Variants in VPS37C observed in about 807,000 individuals in gnomAD.
VPS37C encodes the protein VPS37C subunit of ESCRT-I.
VPS37C carries 9 observed loss-of-function variants against 16.1 expected under a neutral mutation model. The observed-to-expected ratio is 0.56, with a 90% CI of 0.34 to 0.97. The LOEUF (loss-of-function observed/expected upper bound fraction) is 0.97. VPS37C is among the 50% of genes least tolerant of loss of function. VPS37C has a pLI of 0.02. For missense variants in VPS37C, 479 were observed against 472.7 expected (o/e 1.01, Z -0.12); for synonymous variants, 207 against 206.4 (o/e 1.00, Z -0.02).
chr11:61,135,844 G>C (rs929457008), intron 2 of VPS37C, among the ~76,000 whole-genome samples: 1 of 152,166 alleles, frequency 6.6e-6, no homozygotes, highest in Non-Finnish European at 1.5e-5. Context: ...CTCCCTATAG[G>C]TCCACTGCCT....
At chr11:61,155,355 C>T (rs544719608) in intron 1 of VPS37C, among the ~76,000 whole-genome samples, 38 of 151,472 alleles carry the variant, frequency 2.5e-4, no homozygotes, top group Non-Finnish European at 4.4e-4. Flanking sequence ...AACAACTACC[C>T]AGGCATGGTG....
At position 61,134,199 on chromosome 11, in the gene VPS37C, G is replaced by A. The variant is rs1565191473; in HGVS notation, c.102C>T (p.Asp34=). 1.2e-6 allele frequency: 2 copies of A among 1,611,580 alleles called. No individual in the cohort carries two copies. The highest frequency in any genetic ancestry group is 2.7e-5 in the African/African-American group (2 of 74,980). Residue 34 remains aspartate (D), a synonymous_variant, in exon 3 of 5, where the codon GAC becomes GAT. Transcript: ENST00000301765. ...QLALESPEVQ[D]LQLEREMALA... ...GTGCCATCTCCCGTTCCAGCTGTAGGTCCTGGACCTAAAAGGGCAGGACAA... is the reference window on the plus strand; with the variant it reads ...GTGCCATCTCCCGTTCCAGCTGTAGATCCTGGACCTAAAAGGGCAGGACAA...
At position 61,138,604 on chromosome 11, in the gene VPS37C, A is replaced by G. The variant is rs1861421416; in HGVS notation, c.93+133T>C. The G allele has an allele frequency of 6.3e-6, 5 of 794,134 alleles. No individual in the cohort carries two copies. The South Asian group carries it at 8.2e-5, about 13-fold the overall frequency. 49.2% of individuals were successfully genotyped at this position (794,134 alleles called of 1,614,324 possible). ...AGCCTCAGGGATTCCTCTGAGTCCA[A>G]ACCAGGATGAAGTTCACAGAAAAGG... is the stretch of plus-strand genomic sequence containing the variant. On this transcript the variant is annotated intron_variant, in intron 2 of 4. Coordinates refer to ENST00000301765, the MANE Select transcript of VPS37C (RefSeq NM_017966.5).
chr11:61,153,267 T>C (rs928137852), intron 1 of VPS37C, among the ~76,000 whole-genome samples: 2 of 152,180 alleles, frequency 1.3e-5, no homozygotes, highest in Non-Finnish European at 2.9e-5. Context: ...CTATGATGGT[T>C]TTATAAGTGT....
At chr11:61,151,160 T>C (rs1853292887) in intron 1 of VPS37C, among the ~76,000 whole-genome samples, 1 of 152,210 alleles carries the variant, frequency 6.6e-6, no homozygotes. Context: ...CAAGTCTATC[T>C]ACATCCACAG....
intron 1 of VPS37C, among the ~76,000 whole-genome samples, chr11:61,154,312 A>G (rs540859777): frequency 6.6e-6 from 1 of 152,370 alleles, no homozygotes; most frequent in East Asian, 1.9e-4. Flanking sequence ...AACAGTTCCT[A>G]AAACTATATT....
At chr11:61,153,705 A>T (rs1336995987) in intron 1 of VPS37C, among the ~76,000 whole-genome samples, 1 of 152,146 alleles carries the variant, frequency 6.6e-6, no homozygotes, top group Non-Finnish European at 1.5e-5. Context: ...TCCTAGAGGG[A>T]CTCCGGGCCC....
intron 2 of VPS37C, among the ~76,000 whole-genome samples, chr11:61,135,996 TAGA>T (rs1369967314): frequency 6.6e-6 from 1 of 152,214 alleles, no homozygotes; most frequent in Non-Finnish European, 1.5e-5. Context: ...TATAGGTAGA[TAGA>T]AGAAGTAAGT....
chr11:61,155,208 G>T (rs1317484142), intron 1 of VPS37C, among the ~76,000 whole-genome samples: 1 of 152,086 alleles, frequency 6.6e-6, no homozygotes. Context: ...AACAGACCAG[G>T]TGTGGTGGCT....
intron 1 of VPS37C, among the ~76,000 whole-genome samples, chr11:61,148,998 G>A (rs1853257562): frequency 6.6e-6 from 1 of 152,246 alleles, no homozygotes; most frequent in Admixed American, 6.5e-5. Flanking sequence ...TACGTGAAGA[G>A]GGGCCAGGCG....
intron 1 of VPS37C, among the ~76,000 whole-genome samples, chr11:61,160,602 A>C (rs1381721030): frequency 6.6e-6 from 1 of 152,200 alleles, no homozygotes; most frequent in Non-Finnish European, 1.5e-5. Context: ...GTGAGCCCAG[A>C]CAAGGTGTAG....
At chr11:61,135,077 A>C (rs1356466242) in intron 2 of VPS37C, among the ~76,000 whole-genome samples, 1 of 152,240 alleles carries the variant, frequency 6.6e-6, no homozygotes, top group Non-Finnish European at 1.5e-5. Flanking sequence ...CACCCGCCAC[A>C]GGGCGCAGGG....
rs963280854 is a variant in VPS37C at position 61,130,747 on chromosome 11, G to C, written c.*1073C>G. On this transcript the variant is annotated 3_prime_UTR_variant, in exon 5 of 5. Transcript: ENST00000301765. ...CCACCCTTTACATTCTGAAGACAGG[G>C]AGGTGTGAAAAAATTGCCCCTAATG... 4.7e-6 allele frequency: 2 copies of C among 425,362 alleles called. No individual in the cohort carries two copies. Among genetic ancestry groups the C allele is most frequent in the Non-Finnish European group, 4.6e-6 (1 of 217,010 alleles). The allele number at this position is 425,362 out of a possible 1,614,324, so 26.3% of individuals were successfully genotyped here.
At position 61,148,131 on chromosome 11, in the gene VPS37C, T is replaced by G. The variant is rs1025158877; in HGVS notation, c.-6-9296A>C. Among the ~76,000 whole-genome samples the G allele has an allele frequency of 2.7e-4, 41 of 152,106 alleles. 1 individual carries two copies. The highest frequency in any genetic ancestry group is 4.9e-4 in the Non-Finnish European group (33 of 68,012). On this transcript the variant is annotated intron_variant, in intron 1 of 4. Transcript: ENST00000301765. Reference sequence around the variant, plus strand: ...TCCTGCAACCCCTGGGCTGCAATCTTGTGTCAAGTGAAATGGCTGCTGAGA... The same window carrying G: ...TCCTGCAACCCCTGGGCTGCAATCTGGTGTCAAGTGAAATGGCTGCTGAGA...
At chr11:61,135,282 C>G (rs1320236318) in intron 2 of VPS37C, among the ~76,000 whole-genome samples, 1 of 152,220 alleles carries the variant, frequency 6.6e-6, no homozygotes, top group African/African-American at 2.4e-5. Flanking sequence ...GCTACAGGGG[C>G]CGAGGTCCTG....
chr11:61,153,522 C>G (rs1159038105), intron 1 of VPS37C, among the ~76,000 whole-genome samples: 1 of 152,150 alleles, frequency 6.6e-6, no homozygotes, highest in African/African-American at 2.4e-5. Flanking sequence ...CCACTTTTGG[C>G]TAATGTGGAG....
intron 1 of VPS37C, among the ~76,000 whole-genome samples, chr11:61,153,664 C>T (rs887432919): frequency 6.6e-6 from 1 of 152,162 alleles, no homozygotes; most frequent in Non-Finnish European, 1.5e-5. Context: ...GGGAAACAAC[C>T]AAGGTGAGTG....
chr11:61,141,978 C>A (rs1472997380), intron 1 of VPS37C, among the ~76,000 whole-genome samples: 2 of 152,248 alleles, frequency 1.3e-5, no homozygotes, highest in African/African-American at 2.4e-5. Context: ...GAGGTCTCCA[C>A]ATGTGGGGAG....
intron 2 of VPS37C, among the ~76,000 whole-genome samples, chr11:61,136,044 TCAG>T (rs1861365810): frequency 6.6e-6 from 1 of 152,082 alleles, no homozygotes; most frequent in Non-Finnish European, 1.5e-5. Context: ...GTGACTATGG[TCAG>T]CAACAATGTA....
Sources: gnomAD v4.1 joint callset for allele counts (sites outside exome capture counted in the v4.1 genomes callset) on GRCh38, gnomAD v4.1.1 for gene constraint, MANE v1.5 for transcripts, NCBI Gene and HGNC (gene_info 2026-07-23, HGNC 2026-07-21) for gene names.